Variants in TJAP1 observed in about 807,000 individuals in gnomAD.
TJAP1 encodes tight junction associated protein 1.
In TJAP1, 27 loss-of-function variants were observed where a neutral mutation model predicts 42.0. The observed-to-expected ratio is 0.64, with a 90% CI of 0.47 to 0.89. The LOEUF is 0.89. TJAP1 is among the 40% of genes least tolerant of loss of function. The probability of loss-of-function intolerance (pLI) is 0.00; values close to 1 mark genes in which losing one functional copy is unlikely to be tolerated. For missense variants in TJAP1, 712 were observed against 726.9 expected (o/e 0.98, Z 0.24); for synonymous variants, 257 against 288.4 (o/e 0.89, Z 1.10).
chr6:43,504,059 C>T (rs1791638888), intron 10 of TJAP1: 1 of 440,826 alleles, frequency 2.3e-6, no homozygotes. Flanking sequence ...CTAGACCCCA[C>T]AGCTTCAGGC....
At position 43,495,125 on chromosome 6, in the gene TJAP1, G is replaced by A. The variant is rs1788818352; in HGVS notation, c.-121-2756G>A. The stretch of plus-strand genomic sequence containing the variant: ...TGGGAAACCTTTGGGTGAAGGAGAT[G>A]TGGCCAGGGGAGGCTGCACCTGGTA... On this transcript the variant is annotated intron_variant, in intron 2 of 10. Transcript: ENST00000372449. The surrounding 1 kb of genome is among the most constrained non-coding windows in gnomAD (Gnocchi z 4.6). Among the ~76,000 whole-genome samples the A allele has an allele frequency of 6.6e-6, 1 of 152,236 alleles. No homozygotes were observed. Among genetic ancestry groups the A allele is most frequent in the Non-Finnish European group, 1.5e-5 (1 of 68,024 alleles).
intron 2 of TJAP1, among the ~76,000 whole-genome samples, chr6:43,479,870 T>C (rs1054726341): frequency 6.6e-6 from 1 of 152,236 alleles, no homozygotes; most frequent in African/African-American, 2.4e-5. Context: ...CTCAGGAGGC[T>C]GAGGCAGGAG....
intron 2 of TJAP1, among the ~76,000 whole-genome samples, chr6:43,483,669 G>A (rs550234333): frequency 1.3e-5 from 2 of 152,320 alleles, no homozygotes; most frequent in African/African-American, 4.8e-5. Context: ...GTGGAGCTAG[G>A]CAGACCTGGT....
chr6:43,500,506 G>A (rs1429076231), intron 4 of TJAP1: 3 of 553,442 alleles, frequency 5.4e-6, no homozygotes, highest in African/African-American at 3.8e-5. Context: ...CTTTAGGATT[G>A]GATTAAGGGT....
intron 6 of TJAP1, among the ~76,000 whole-genome samples, chr6:43,501,927 A>ACACTCT: frequency 1.4e-5 from 1 of 71,606 alleles, no homozygotes; most frequent in South Asian, 4.8e-4. Flanking sequence ...ACACACACAC[A>ACACTCT]CTCTCTCTCT....
intron 3 of TJAP1, among the ~76,000 whole-genome samples, chr6:43,498,706 C>T (rs1789813090): frequency 6.6e-6 from 1 of 152,184 alleles, no homozygotes; most frequent in Non-Finnish European, 1.5e-5. Context: ...CTCCCTGTCC[C>T]ACTCTTAGAA....
intron 2 of TJAP1, among the ~76,000 whole-genome samples, chr6:43,480,444 A>G (rs1466515663): frequency 6.6e-6 from 1 of 152,270 alleles, no homozygotes; most frequent in Non-Finnish European, 1.5e-5. Flanking sequence ...TAATAATAAC[A>G]ATAATGGTGC....
chr6:43,487,973 G>A (rs746968367), intron 2 of TJAP1, among the ~76,000 whole-genome samples: 5 of 151,608 alleles, frequency 3.3e-5, no homozygotes, highest in African/African-American at 9.7e-5. Flanking sequence ...AGGTTCAAGC[G>A]ATTCTCCTGC....
chr6:43,504,680 G>T, intron 10 of TJAP1, 81 bp from the exon 11 acceptor site: 1 of 1,534,762 alleles, frequency 6.5e-7, no homozygotes, highest in South Asian at 1.2e-5. Flanking sequence ...ACTTAAAGGT[G>T]GGAGCCATTA....
chr6:43,501,712 AC>A (rs1188636587), intron 6 of TJAP1, 25 bp downstream of exon 6: 2 of 105,984 alleles, frequency 1.9e-5, no homozygotes, highest in Non-Finnish European at 4.8e-5. Context: ...GGCCAGACAC[AC>A]ACACACACAC....
At position 43,505,634 on chromosome 6, in the gene TJAP1, G is replaced by T; in HGVS notation, c.1453G>T (p.Glu485Ter). ...CTCTGGCTTTCCCAGGGAGGAAGAA[G>T]AGCTGAACCTGCCTATCAGTCCTGA... The change falls in exon 11 of 11, where the codon GAG becomes TAG. Residue 485 changes from glutamate to a stop codon, truncating the protein, a stop_gained. Coordinates refer to ENST00000372449, the Ensembl canonical transcript of TJAP1. LOFTEE classifies it high-confidence loss of function. This position sits in a 1 kb window ranked among gnomAD's most constrained non-coding sequence, Gnocchi z 5.5. 6.2e-7 allele frequency: 1 copy of T among 1,613,380 alleles called. No homozygotes were observed. The highest frequency in any genetic ancestry group is 1.1e-5 in the South Asian group (1 of 91,088).
At chr6:43,504,057 C>T in intron 10 of TJAP1, 1 of 450,332 alleles carries the variant, frequency 2.2e-6, no homozygotes, top group East Asian at 5.0e-5. Context: ...CTCTAGACCC[C>T]ACAGCTTCAG....
In TJAP1 at chr6:43,495,155, G is replaced by T. The variant is rs1007375157; in HGVS notation, c.-121-2726G>T. Among the ~76,000 whole-genome samples, 3 of 152,190 alleles carry T rather than the reference G, an allele frequency of 2.0e-5. No individual in the cohort carries two copies. Among genetic ancestry groups the T allele is most frequent in the Non-Finnish European group, 2.9e-5 (2 of 68,020 alleles). On this transcript the variant is annotated intron_variant, in intron 2 of 10. Transcript: ENST00000372449. The surrounding 1 kb of genome is among the most constrained non-coding windows in gnomAD (Gnocchi z 4.6). ...CAGGGGAGGCTGCACCTGGTAGCTGGGTCTTCCTGGAGGGACCACTCTGAT... is the reference window on the plus strand; with the variant it reads ...CAGGGGAGGCTGCACCTGGTAGCTGTGTCTTCCTGGAGGGACCACTCTGAT...
intron 10 of TJAP1, 198 bp downstream of exon 10, chr6:43,503,904 TG>T (rs1561829561): frequency 2.8e-6 from 2 of 712,602 alleles, no homozygotes; most frequent in East Asian, 2.7e-5. Context: ...TCACTAGTTC[TG>T]GGGGGCCAGC....
rs1039983268 is a variant in TJAP1 at position 43,492,820 on chromosome 6, G to A, written c.-121-5061G>A. On this transcript the variant is annotated intron_variant, in intron 2 of 10. Coordinates refer to ENST00000372449, the Ensembl canonical transcript of TJAP1. The surrounding 1 kb of genome is among the most constrained non-coding windows in gnomAD (Gnocchi z 4.2). The stretch of plus-strand genomic sequence containing the variant: ...TTGGGGGCAGAGACTGGATTTCAGA[G>A]GCTTGAGAAGCGGCCAGACTTGTGT... 2.0e-5 allele frequency among the ~76,000 whole-genome samples: 3 copies of A among 152,178 alleles called. No homozygotes were observed. Among genetic ancestry groups the A allele is most frequent in the Admixed American group, 6.5e-5 (1 of 15,286 alleles).
Position 43,505,307 on chromosome 6 carries a change from C to T in TJAP1, c.1126C>T (p.Pro376Ser). The change falls in exon 11 of 11, where the codon CCC becomes TCC. Residue 376 changes from proline to serine, a missense_variant. This residue lies in a region of TJAP1 where 549 missense variants were observed against 528.2 expected (regional missense o/e 1.04). Transcript: ENST00000372449. The surrounding 1 kb of genome is among the most constrained non-coding windows in gnomAD (Gnocchi z 5.5). ...TGAGCGGGCCCGCCCCAGCCCAGTG[C>T]CCAGCACCCCTGCCTCAGCCCAGGC... 6.2e-7 allele frequency: 1 copy of T among 1,611,002 alleles called. No homozygotes were observed. The highest frequency in any genetic ancestry group is 2.2e-5 in the East Asian group (1 of 44,854).
In TJAP1 at chr6:43,491,360, G is replaced by A. The variant is rs1374100521; in HGVS notation, c.-121-6521G>A. Among the ~76,000 whole-genome samples the A allele has an allele frequency of 1.3e-5, 2 of 152,122 alleles. No homozygotes were observed. The highest frequency in any genetic ancestry group is 2.1e-4 in the South Asian group (1 of 4,818). On this transcript the variant is annotated intron_variant, in intron 2 of 10. Transcript: ENST00000372449. This position sits in a 1 kb window ranked among gnomAD's most constrained non-coding sequence, Gnocchi z 4.6. ...GGCTGGAGTGCAATGGCACGATCTC[G>A]GCTTTCTGCAACCTCCGCCTCCCAG...
At chr6:43,480,483 G>C (rs575237134) in intron 2 of TJAP1, among the ~76,000 whole-genome samples, 1 of 152,216 alleles carries the variant, frequency 6.6e-6, no homozygotes, top group African/African-American at 2.4e-5. Context: ...GCGTAGGACT[G>C]TTGTAAGGGC....
At chr6:43,483,574 TCTC>T (rs1251950621) in intron 2 of TJAP1, among the ~76,000 whole-genome samples, 1 of 152,178 alleles carries the variant, frequency 6.6e-6, no homozygotes, top group Non-Finnish European at 1.5e-5. Flanking sequence ...ACTGGGCTGA[TCTC>T]CTGTAGACAG....
Sources: gnomAD v4.1 joint callset for allele counts (sites outside exome capture counted in the v4.1 genomes callset) on GRCh38, gnomAD v4.1.1 for gene constraint, gnomAD v4.1.1 regional missense constraint, Gnocchi (gnomAD v3.1) non-coding constraint, MANE v1.5 for transcripts, NCBI Gene and HGNC (gene_info 2026-07-23, HGNC 2026-07-21) for gene names.